SOX6: variants seen among roughly 807,000 people sequenced by gnomAD.
SOX6 encodes the protein transcription factor SOX-6.
SOX6 carries 11 observed loss-of-function variants against 97.8 expected under a neutral mutation model. The observed-to-expected ratio is 0.11, with a 90% CI of 0.07 to 0.19. The LOEUF is 0.19. Among genes scored for constraint, SOX6 ranks in the 10% least tolerant of loss-of-function variants. The probability of loss-of-function intolerance (pLI) is 1.00; values close to 1 mark genes in which losing one functional copy is unlikely to be tolerated. For missense variants in SOX6, 810 were observed against 1,039.5 expected (o/e 0.78, Z 3.04); for synonymous variants, 360 against 371.4 (o/e 0.97, Z 0.35).
intron 6 of SOX6, among the ~76,000 whole-genome samples, chr11:16,132,374 G>GA (rs1349012250): frequency 1.2e-5 from 1 of 84,800 alleles, no homozygotes; most frequent in African/African-American, 5.3e-5. Context: ...AAGAAAGAAA[G>GA]AAAGAAAGAA....
intron 3 of SOX6, among the ~76,000 whole-genome samples, chr11:16,250,779 C>T (rs760944851): frequency 1.3e-5 from 2 of 152,036 alleles, no homozygotes; most frequent in South Asian, 4.2e-4. Flanking sequence ...GAAAAATCAA[C>T]AGAGATATAG....
chr11:16,691,633 C>A (rs1328591452), intron 3 of SOX6, among the ~76,000 whole-genome samples: 1 of 152,066 alleles, frequency 6.6e-6, no homozygotes, highest in African/African-American at 2.4e-5. Context: ...CCCATCTCTA[C>A]AAAAAATACA....
At chr11:16,179,435 C>T (rs1851287915) in intron 6 of SOX6, among the ~76,000 whole-genome samples, 1 of 151,742 alleles carries the variant, frequency 6.6e-6, no homozygotes, top group Non-Finnish European at 1.5e-5. Context: ...GAACAGAGTA[C>T]AACTTCAGTG....
chr11:16,524,172 A>T (rs559611171), intron 4 of SOX6, among the ~76,000 whole-genome samples: 1 of 152,126 alleles, frequency 6.6e-6, no homozygotes, highest in Non-Finnish European at 1.5e-5. Flanking sequence ...AGAGACACAA[A>T]CAAAAAAGAG....
At chr11:16,275,325 G>T (rs1257204657) in intron 3 of SOX6, among the ~76,000 whole-genome samples, 1 of 151,170 alleles carries the variant, frequency 6.6e-6, no homozygotes, top group African/African-American at 2.4e-5. Context: ...GTGGTGGCGG[G>T]TGCCTCTAGT....
chr11:16,712,935 T>C (rs904154682), intron 3 of SOX6, among the ~76,000 whole-genome samples: 1 of 152,240 alleles, frequency 6.6e-6, no homozygotes, highest in Non-Finnish European at 1.5e-5. Flanking sequence ...CAGGTGTGAC[T>C]GATTCCAAAC....
At chr11:16,117,331 G>A (rs994401056) in intron 6 of SOX6, among the ~76,000 whole-genome samples, 5 of 150,292 alleles carry the variant, frequency 3.3e-5, no homozygotes, top group African/African-American at 9.8e-5. Context: ...CCAGCCTGGC[G>A]ACAGAGCGAG....
intron 6 of SOX6, among the ~76,000 whole-genome samples, chr11:16,123,171 C>T (rs1849533420): frequency 6.6e-6 from 1 of 151,970 alleles, no homozygotes; most frequent in Non-Finnish European, 1.5e-5. Context: ...TGATAATTCT[C>T]ACCCAAAGAG....
Position 15,998,990 on chromosome 11 carries a change from A to G in SOX6, c.1733-9760T>C, listed in dbSNP as rs181951600. ...TTAAGAAAATAAAATGTCAAAGCACATACTGGAAAAAATATTTGGAACACA... is the reference window on the plus strand; with the variant it reads ...TTAAGAAAATAAAATGTCAAAGCACGTACTGGAAAAAATATTTGGAACACA... On this transcript the variant is annotated intron_variant, in intron 13 of 15. Coordinates refer to ENST00000683767, the MANE Select transcript of SOX6 (RefSeq NM_001367873.1). Among the ~76,000 whole-genome samples, 363 of 152,262 alleles carry G rather than the reference A, an allele frequency of 2.4e-3. 1 individual carries two copies. Among genetic ancestry groups the G allele is most frequent in the African/African-American group, 8.1e-3 (337 of 41,586 alleles).
At chr11:16,044,887 C>G (rs1012819739) in intron 12 of SOX6, among the ~76,000 whole-genome samples, 3 of 152,084 alleles carry the variant, frequency 2.0e-5, no homozygotes, top group Admixed American at 1.3e-4. Context: ...TTGCAGCTTA[C>G]CTTCTGGGAC....
At chr11:15,977,284 C>T (rs553600496) in intron 15 of SOX6, among the ~76,000 whole-genome samples, 21 of 152,200 alleles carry the variant, frequency 1.4e-4, no homozygotes, top group Admixed American at 3.9e-4. Context: ...TAATCTGGGC[C>T]CCTCCCTATC....
intron 3 of SOX6, among the ~76,000 whole-genome samples, chr11:16,268,598 T>C (rs1854151712): frequency 6.6e-6 from 1 of 151,232 alleles, no homozygotes; most frequent in African/African-American, 2.4e-5. Flanking sequence ...CAAGAAGAAA[T>C]GACAAATTCA....
intron 9 of SOX6, among the ~76,000 whole-genome samples, chr11:16,064,264 G>A (rs2133933317): frequency 6.6e-6 from 1 of 151,756 alleles, no homozygotes; most frequent in South Asian, 2.1e-4. Context: ...AATGGGAATT[G>A]AGGGGGGCTT....
At chr11:16,131,912 G>A (rs908936385) in intron 6 of SOX6, among the ~76,000 whole-genome samples, 3 of 151,854 alleles carry the variant, frequency 2.0e-5, no homozygotes, top group African/African-American at 7.3e-5. Context: ...GGTTTCAATG[G>A]GGGATGCTAA....
chr11:16,098,115 T>C (rs1169746987), intron 7 of SOX6, among the ~76,000 whole-genome samples: 2 of 151,838 alleles, frequency 1.3e-5, no homozygotes, highest in Non-Finnish European at 2.9e-5. Context: ...GGCTCTGAGC[T>C]ATTGACTGCT....
chr11:16,123,665 C>T (rs985124822), intron 6 of SOX6, among the ~76,000 whole-genome samples: 1 of 151,946 alleles, frequency 6.6e-6, no homozygotes, highest in African/African-American at 2.4e-5. Context: ...CCTCCACTCC[C>T]AGCATGTGCA....
chr11:16,132,338 A>AAAAGAAAGAAAG (rs869051811), intron 6 of SOX6, among the ~76,000 whole-genome samples: 3 of 40,682 alleles, frequency 7.4e-5, no homozygotes, highest in Admixed American at 2.8e-4. Context: ...AAGGAAAGAA[A>AAAAGAAAGAAAG]AAAGAAAGAA....
chr11:16,359,539 C>G (rs1222439092), upstream of SOX6, among the ~76,000 whole-genome samples: 1 of 152,084 alleles, frequency 6.6e-6, no homozygotes, highest in East Asian at 1.9e-4. Context: ...ATGCTCCTGT[C>G]ATTTGTATTT....
At chr11:16,291,367 A>G (rs567771098) in intron 3 of SOX6, among the ~76,000 whole-genome samples, 37 of 151,096 alleles carry the variant, frequency 2.4e-4, no homozygotes, top group Admixed American at 4.0e-4. Context: ...ATGAATGAAT[A>G]AATAAATAAA....
Sources: gnomAD v4.1 joint callset for allele counts (sites outside exome capture counted in the v4.1 genomes callset) on GRCh38, gnomAD v4.1.1 for gene constraint, MANE v1.5 for transcripts, NCBI Gene and HGNC (gene_info 2026-07-23, HGNC 2026-07-21) for gene names.